Variants in NPM1 observed in about 807,000 individuals in gnomAD.
NPM1 encodes the protein nucleophosmin 1.
Under a neutral mutation model 44.1 loss-of-function variants are expected in NPM1, and 1 was observed. The ratio of observed to expected loss-of-function variants is 0.02; its 90% confidence interval spans 0.01 to 0.11. The LOEUF is 0.11. NPM1 is among the 10% of genes least tolerant of loss of function. The pLI is 1.00. For synonymous variants in NPM1, 126 were observed against 111.8 expected, an observed-to-expected ratio of 1.13 and a Z score of -0.80; for missense variants, 197 against 347.8, an observed-to-expected ratio of 0.57 and a Z score of 3.45.
intron 2 of NPM1, among the ~76,000 whole-genome samples, chr5:171,390,710 T>G (rs757396430): frequency 6.8e-6 from 1 of 146,534 alleles, no homozygotes; most frequent in Non-Finnish European, 1.5e-5. Context: ...ATACCTTATT[T>G]TTAATATACC....
chr5:171,410,412 C>G, intron 10 of NPM1, 115 bp from the exon 11 acceptor site: 1 of 580,042 alleles, frequency 1.7e-6, no homozygotes, highest in South Asian at 3.0e-5. Context: ...CTAGAGTTAA[C>G]TCTCTGGTGG....
intron 9 of NPM1, chr5:171,406,558 C>T: frequency 6.8e-7 from 1 of 1,472,014 alleles, no homozygotes; most frequent in Non-Finnish European, 9.0e-7. Flanking sequence ...ACCCATGCCT[C>T]TTCAGGCTGG....
At chr5:171,402,813 G>T (rs1301699561) in intron 8 of NPM1, among the ~76,000 whole-genome samples, 1 of 145,330 alleles carries the variant, frequency 6.9e-6, no homozygotes, top group Non-Finnish European at 1.5e-5. Context: ...TGCCATGTAA[G>T]ATGTGCCTTG....
At chr5:171,407,673 C>A (rs1160021164) in intron 9 of NPM1, 27 bp from the exon 10 acceptor site, 10 of 1,332,086 alleles carry the variant, frequency 7.5e-6, no homozygotes, top group Admixed American at 6.8e-5. Context: ...TCTCTACTTA[C>A]CTGTAATAAT....
intron 4 of NPM1, 60 bp from the exon 5 acceptor site, chr5:171,392,647 GTTC>G: frequency 1.0e-6 from 1 of 995,374 alleles, no homozygotes; most frequent in East Asian, 2.5e-5. Context: ...TACTATCAGT[GTTC>G]TTTTTTTTTC....
chr5:171,387,623 A>T (rs948857902), upstream of NPM1: 1 of 303,504 alleles, frequency 3.3e-6, no homozygotes, highest in African/African-American at 2.5e-5. Context: ...AGGCGACAGC[A>T]GCGGAGGGGT....
At chr5:171,395,694 C>G (rs1403538176) in intron 6 of NPM1, among the ~76,000 whole-genome samples, 1 of 152,098 alleles carries the variant, frequency 6.6e-6, no homozygotes, top group Non-Finnish European at 1.5e-5. Context: ...AGATAGATGG[C>G]AATGAAAATG....
At position 171,387,973 on chromosome 5, in the gene NPM1, A is replaced by G. The variant is rs925409148; in HGVS notation, c.25A>G (p.Met9Val). MEDSMDMDMSPLRPQNYLF... is the reference protein window; with the variant it reads MEDSMDMDVSPLRPQNYLF... The stretch of plus-strand genomic sequence containing the variant: ...GATGGAAGATTCGATGGACATGGAC[A>G]TGAGCCCCCTGAGGCCCCAGAACTA... Residue 9 changes from methionine to valine, a missense_variant, in exon 1 of 11, where the codon ATG becomes GTG. Physicochemically the swap from Met to Val is conservative, Grantham distance 21 (BLOSUM62 1). Coordinates refer to ENST00000296930, the MANE Select transcript of NPM1 (RefSeq NM_002520.7). 2 of 1,599,556 alleles carry G rather than the reference A, an allele frequency of 1.3e-6. No individual in the cohort carries two copies. The highest frequency in any genetic ancestry group is 3.4e-5 in the Admixed American group (2 of 59,546).
chr5:171,405,252 A>G, intron 8 of NPM1, 50 bp from the exon 9 acceptor site: 1 of 879,218 alleles, frequency 1.1e-6, no homozygotes, highest in South Asian at 1.6e-5. Context: ...GGTTTTAATT[A>G]GGAATTGTAT....
intron 6 of NPM1, among the ~76,000 whole-genome samples, chr5:171,396,747 G>C (rs908350118): frequency 1.3e-5 from 2 of 152,100 alleles, no homozygotes; most frequent in Non-Finnish European, 2.9e-5. Flanking sequence ...TTGGGTGGTC[G>C]ATGCGGGCAG....
intron 6 of NPM1, among the ~76,000 whole-genome samples, chr5:171,397,938 C>T (rs1241823352): frequency 1.3e-5 from 2 of 151,052 alleles, no homozygotes; most frequent in African/African-American, 2.4e-5. Context: ...TACAGGCACC[C>T]CCCCCACCAC....
upstream of NPM1, chr5:171,387,748 T>C (rs1770297318): frequency 1.6e-6 from 1 of 612,790 alleles, no homozygotes; most frequent in Admixed American, 2.8e-5. Context: ...ACGGCTACGG[T>C]ACGGGGGTGG....
intron 3 of NPM1, 133 bp downstream of exon 3, chr5:171,391,557 A>G (rs1279111389): frequency 4.4e-5 from 55 of 1,238,686 alleles, no homozygotes; most frequent in Non-Finnish European, 5.9e-5. Flanking sequence ...TCGATGGTCA[A>G]CTCTTGAACA....
chr5:171,400,789 C>A, intron 7 of NPM1, 50 bp from the exon 8 acceptor site: 1 of 1,216,466 alleles, frequency 8.2e-7, no homozygotes, highest in Non-Finnish European at 1.2e-6. Context: ...GCTTTGTTTG[C>A]ACTGTTGTTG....
At chr5:171,393,167 T>G (rs1468934415) in intron 6 of NPM1, among the ~76,000 whole-genome samples, 189 bp downstream of exon 6, 1 of 152,170 alleles carries the variant, frequency 6.6e-6, no homozygotes, top group Non-Finnish European at 1.5e-5. Flanking sequence ...TGAAAGGATA[T>G]TGGGTCTGTG....
chr5:171,406,282 T>C (rs1455895146), intron 9 of NPM1: 4 of 922,446 alleles, frequency 4.3e-6, no homozygotes, highest in Non-Finnish European at 7.1e-6. Context: ...GTAAACCCTT[T>C]AGCCTTCCTG....
In NPM1 at chr5:171,387,870, C is replaced by T. The variant is rs577760802; in HGVS notation, c.-79C>T. The T allele has an allele frequency of 2.4e-5, 32 of 1,327,626 alleles. No individual in the cohort carries two copies. Among genetic ancestry groups the T allele is most frequent in the South Asian group, 5.9e-5 (5 of 84,268 alleles). The allele number at this position is 1,327,626 out of a possible 1,614,324, so 82.2% of individuals were successfully genotyped here. On this transcript the variant is annotated 5_prime_UTR_variant, in exon 1 of 11. Coordinates refer to ENST00000296930, the MANE Select transcript of NPM1 (RefSeq NM_002520.7). ...CGTCCTTTCCCTGGTGTGATTCCGT[C>T]CTGCGCGGTTGTTCTCTGGAGCAGC...
chr5:171,391,244 T>TGG, intron 2 of NPM1, 61 bp from the exon 3 acceptor site: 3 of 1,577,266 alleles, frequency 1.9e-6, no homozygotes, highest in Non-Finnish European at 2.6e-6. Flanking sequence ...TAACATTTAG[T>TGG]GGGGGGGTGT....
intron 6 of NPM1, 63 bp downstream of exon 6, chr5:171,393,041 T>C (rs559370270): frequency 1.7e-5 from 26 of 1,552,236 alleles, no homozygotes; most frequent in African/African-American, 4.1e-5. Flanking sequence ...GAATTTGACA[T>C]AGTTATATGC....
Sources: allele counts gnomAD v4.1 joint callset (sites outside exome capture counted in the v4.1 genomes callset), GRCh38; gene constraint gnomAD v4.1.1; transcripts MANE v1.5; gene names NCBI Gene and HGNC (gene_info 2026-07-23, HGNC 2026-07-21).